PAQR8: variants seen among roughly 807,000 people sequenced by gnomAD.
PAQR8 encodes membrane progestin receptor beta.
A neutral mutation model predicts 25.2 loss-of-function variants in PAQR8; 17 were observed. The ratio of observed to expected loss-of-function variants is 0.67; its 90% CI spans 0.46 to 1.01. The LOEUF (loss-of-function observed/expected upper bound fraction) is 1.01, where lower values mean the gene tolerates loss of function less well. Among genes scored for constraint, PAQR8 ranks in the 50% least tolerant of loss-of-function variants. The pLI, the probability that PAQR8 is intolerant of heterozygous loss-of-function variation, is 0.00. For missense variants in PAQR8, 392 were observed against 448.4 expected (o/e 0.87, Z 1.14); for synonymous variants, 204 against 190.6 (o/e 1.07, Z -0.58).
chr6:52,404,190 C>CT lies in PAQR8; in HGVS notation c.977_978insT (p.Phe327LeufsTer43), dbSNP rs755525494. On this transcript the variant is annotated frameshift_variant, in exon 2 of 2. Transcript: ENST00000442253. LOFTEE classifies it high-confidence loss of function. ...CTATCTGTCCACATGGCCTGCCTCTCCTTCTTCTTCCTGGCTGCCTGCAGT... is the reference window on the plus strand; with the variant it reads ...CTATCTGTCCACATGGCCTGCCTCTCTCTTCTTCTTCCTGGCTGCCTGCAGT... The CT allele has an allele frequency of 6.2e-7, 1 of 1,613,994 alleles. No individual in the cohort carries two copies. The highest frequency in any genetic ancestry group is 1.1e-5 in the South Asian group (1 of 91,032).
intron 1 of PAQR8, among the ~76,000 whole-genome samples, chr6:52,387,837 C>G (rs892637534): frequency 6.6e-6 from 1 of 152,242 alleles, no homozygotes; most frequent in African/African-American, 2.4e-5. Context: ...GCTTTACTGC[C>G]TGAGTTCCTG....
At chr6:52,388,965 G>A (rs532866869) in intron 1 of PAQR8, among the ~76,000 whole-genome samples, 2 of 152,294 alleles carry the variant, frequency 1.3e-5, no homozygotes, top group Admixed American at 1.3e-4. Flanking sequence ...TCTGCCTTTT[G>A]TATGCAACAA....
chr6:52,375,986 A>C (rs73740360), intron 1 of PAQR8, among the ~76,000 whole-genome samples: 2,394 of 152,344 alleles, frequency 0.016, 64 homozygotes, highest in African/African-American at 0.054. Flanking sequence ...AAAGGAATTG[A>C]AACCCAGAGC....
At chr6:52,397,128 G>A (rs921888730) in intron 1 of PAQR8, among the ~76,000 whole-genome samples, 3 of 152,154 alleles carry the variant, frequency 2.0e-5, no homozygotes, top group African/African-American at 7.2e-5. Context: ...GGGAATCCTT[G>A]CAGAGCTCAG....
intron 1 of PAQR8, among the ~76,000 whole-genome samples, chr6:52,400,282 C>T (rs539102651): frequency 6.6e-6 from 1 of 152,306 alleles, no homozygotes; most frequent in East Asian, 1.9e-4. Context: ...ACATTAGGCC[C>T]TGAACTCATG....
chr6:52,368,745 C>T (rs1763383982), intron 1 of PAQR8, among the ~76,000 whole-genome samples: 1 of 152,102 alleles, frequency 6.6e-6, no homozygotes, highest in Admixed American at 6.5e-5. Flanking sequence ...TCCCATGAGG[C>T]ATAAAGAGCA....
At chr6:52,401,713 C>T (rs576138) in intron 1 of PAQR8, among the ~76,000 whole-genome samples, 138,316 of 152,282 alleles carry the variant, frequency 0.91, 63,315 homozygotes, top group African/African-American at 0.98. Context: ...ACCTAACTGA[C>T]GAGTCAATTT....
chr6:52,398,157 C>G (rs1763787771), intron 1 of PAQR8, among the ~76,000 whole-genome samples: 1 of 151,512 alleles, frequency 6.6e-6, no homozygotes, highest in African/African-American at 2.4e-5. Context: ...GAAAACAACC[C>G]AAACCCTCTT....
At chr6:52,373,497 T>A (rs1338342502) in intron 1 of PAQR8, 1 of 152,288 alleles carries the variant, frequency 6.6e-6, no homozygotes, top group East Asian at 1.9e-4. Context: ...TAATTGTGTT[T>A]ATTTGTCTCC....
intron 1 of PAQR8, among the ~76,000 whole-genome samples, chr6:52,384,469 C>CA (rs1763606563): frequency 6.6e-6 from 1 of 151,914 alleles, no homozygotes; most frequent in African/African-American, 2.4e-5. Flanking sequence ...ATTGGGATGG[C>CA]AGTGAGTCCA....
At position 52,381,336 on chromosome 6, in the gene PAQR8, G is replaced by A. The variant is rs553139097; in HGVS notation, c.-53+19087G>A. Among the ~76,000 whole-genome samples the A allele has an allele frequency of 1.5e-4, 23 of 152,352 alleles. No homozygotes were observed. In the South Asian group the frequency reaches 3.7e-3, roughly 25 times the overall value. ...AAAAAGCACAGCAATGGCTGGGTGCGGTGGCTCGGGCCTGTAGGCCCTATA... is the reference window on the plus strand; with the variant it reads ...AAAAAGCACAGCAATGGCTGGGTGCAGTGGCTCGGGCCTGTAGGCCCTATA... On this transcript the variant is annotated intron_variant, in intron 1 of 1. Transcript: ENST00000442253.
At chr6:52,394,648 C>T (rs756613833) in intron 1 of PAQR8, among the ~76,000 whole-genome samples, 13 of 152,180 alleles carry the variant, frequency 8.5e-5, no homozygotes, top group Non-Finnish European at 1.8e-4. Flanking sequence ...TGACTTTCCC[C>T]ACCTGTAGGC....
chr6:52,394,618 C>T (rs374793666), intron 1 of PAQR8, among the ~76,000 whole-genome samples: 60 of 152,324 alleles, frequency 3.9e-4, no homozygotes, highest in African/African-American at 1.2e-3. Context: ...CAGTACCCTA[C>T]GGTGTCCTCT....
At chr6:52,393,598 T>C (rs1416393885) in intron 1 of PAQR8, among the ~76,000 whole-genome samples, 1 of 152,198 alleles carries the variant, frequency 6.6e-6, no homozygotes, top group Non-Finnish European at 1.5e-5. Flanking sequence ...CCCAAAGTGC[T>C]GGGATTACAG....
chr6:52,387,980 C>T (rs1763652347), intron 1 of PAQR8, among the ~76,000 whole-genome samples: 1 of 152,232 alleles, frequency 6.6e-6, no homozygotes, highest in African/African-American at 2.4e-5. Context: ...GCCATCACCC[C>T]AGATGGGACC....
intron 1 of PAQR8, among the ~76,000 whole-genome samples, chr6:52,366,818 C>T (rs1048533770): frequency 4.6e-5 from 7 of 151,980 alleles, no homozygotes; most frequent in Non-Finnish European, 8.8e-5. Context: ...GGCGCAATCT[C>T]GGCTCACTGC....
intron 1 of PAQR8, among the ~76,000 whole-genome samples, chr6:52,384,219 G>T (rs527981455): frequency 3.2e-4 from 49 of 151,448 alleles, no homozygotes; most frequent in African/African-American, 1.2e-3. Flanking sequence ...TATGTTTAAG[G>T]TGCTGATGGG....
Position 52,405,722 on chromosome 6 carries a change from GTTTAC to G in PAQR8, c.*1449_*1453del, listed in dbSNP as rs1001942349. 3.6e-5 allele frequency: 6 copies of G among 166,646 alleles called. No homozygotes were observed. The highest frequency in any genetic ancestry group is 7.3e-5 in the African/African-American group (3 of 41,354). 10.3% of individuals were successfully genotyped at this position (166,646 alleles called of 1,614,324 possible). On this transcript the variant is annotated 3_prime_UTR_variant, in exon 2 of 2. Transcript: ENST00000442253. ...CTCCAGTTTGATGAACCTCCTCCGA[GTTTAC>G]TTTATTGTCTTCAAATCTTTTGTTT...
At chr6:52,381,432 A>C (rs530457157) in intron 1 of PAQR8, among the ~76,000 whole-genome samples, 1 of 152,252 alleles carries the variant, frequency 6.6e-6, no homozygotes, top group African/African-American at 2.4e-5. Flanking sequence ...ACATGGTGAA[A>C]CCCCAGCTCT....
Sources: gnomAD v4.1 joint callset for allele counts (sites outside exome capture counted in the v4.1 genomes callset) on GRCh38, gnomAD v4.1.1 for gene constraint, MANE v1.5 for transcripts, NCBI Gene and HGNC (gene_info 2026-07-23, HGNC 2026-07-21) for gene names.